Variants in KANK4 observed in about 807,000 individuals in gnomAD.
The protein encoded by KANK4 is KN motif and ankyrin repeat domains 4, also known as KN motif and ankyrin repeat domain-containing protein 4.
Under a neutral mutation model 80.8 loss-of-function variants are expected in KANK4, and 50 were observed. That is an observed-to-expected ratio of 0.62 (90% CI 0.49 to 0.78). The LOEUF is 0.78. Ranked by LOEUF, KANK4 falls within the 30% of genes least tolerant of loss-of-function variation. KANK4 has a pLI of 0.00. For missense variants in KANK4, 1,196 were observed against 1,240.1 expected (o/e 0.96, Z 0.53); for synonymous variants, 465 against 506.9 (o/e 0.92, Z 1.11).
chr1:62,240,843 T>C (rs1193357836), intron 9 of KANK4, among the ~76,000 whole-genome samples: 2 of 152,056 alleles, frequency 1.3e-5, no homozygotes, highest in African/African-American at 4.8e-5. Context: ...AGGGCTCTCA[T>C]CAGGCACCAC....
In KANK4 at chr1:62,274,209, G is replaced by A; in HGVS notation, c.895C>T (p.Leu299Phe). Residue 299 changes from leucine to phenylalanine, a missense_variant, in exon 3 of 10, where the codon CTC becomes TTC. This residue lies in a region of KANK4 where 1,154 missense variants were observed against 1,179.6 expected (regional missense o/e 0.98). Coordinates refer to ENST00000371153, the MANE Select transcript of KANK4 (RefSeq NM_181712.5). Reference protein sequence around the residue: ...LPSPIPENELLLEEIELNISE... With the variant: ...LPSPIPENELFLEEIELNISE... The stretch of plus-strand genomic sequence containing the variant: ...ATGTTGAGCTCGATTTCTTCCAGGA[G>A]GAGCTCATTCTCAGGGATGGGTGAT... The A allele has an allele frequency of 6.2e-7, 1 of 1,614,154 alleles. No homozygotes were observed. The highest frequency in any genetic ancestry group is 1.3e-5 in the African/African-American group (1 of 75,030).
intron 3 of KANK4, chr1:62,272,651 G>A (rs1483926083): frequency 6.6e-6 from 1 of 152,220 alleles, no homozygotes; most frequent in Non-Finnish European, 1.5e-5. Context: ...TGTGCCCTGT[G>A]CTATCCATAC....
At chr1:62,290,532 G>A (rs78672243) in intron 1 of KANK4, among the ~76,000 whole-genome samples, 6,554 of 152,228 alleles carry the variant, frequency 0.043, 216 homozygotes, top group East Asian at 0.14. Flanking sequence ...TGCTTGTGCT[G>A]GTGCCCAGGA....
At chr1:62,276,574 G>A (rs1335162343) in intron 2 of KANK4, among the ~76,000 whole-genome samples, 2 of 152,050 alleles carry the variant, frequency 1.3e-5, no homozygotes, top group Non-Finnish European at 2.9e-5. Context: ...TCAGGAGTTC[G>A]AGACCAGCCT....
At chr1:62,292,964 C>G (rs1257098408) in intron 1 of KANK4, among the ~76,000 whole-genome samples, 1 of 152,154 alleles carries the variant, frequency 6.6e-6, no homozygotes, top group African/African-American at 2.4e-5. Context: ...AGCTCCCTGA[C>G]AGCAAGAATC....
Position 62,236,681 on chromosome 1 carries a change from G to A in KANK4, c.*1596C>T, listed in dbSNP as rs1035821482. On this transcript the variant is annotated 3_prime_UTR_variant, in exon 10 of 10. Transcript: ENST00000371153. ...ACGATCTCGGCTCACTGAAACCTCC[G>A]CCTCCCGGGTTCAAGTGAGTCTCCT... 2.1e-5 allele frequency among the ~76,000 whole-genome samples: 3 copies of A among 142,676 alleles called. No homozygotes were observed. The highest frequency in any genetic ancestry group is 7.6e-5 in the Admixed American group (1 of 13,176). The allele number at this position is 142,676 out of a possible 152,430, so 93.6% of individuals were successfully genotyped here. A position where few individuals can be genotyped will look rare whatever the true frequency, so the allele number is the denominator to read the frequency against.
chr1:62,303,406 G>A (rs1644427731), intron 1 of KANK4, among the ~76,000 whole-genome samples: 2 of 151,988 alleles, frequency 1.3e-5, no homozygotes, highest in African/African-American at 4.8e-5. Flanking sequence ...ATACCAACAA[G>A]TGCAAAGGTG....
At chr1:62,279,210 A>G (rs924010945) in intron 2 of KANK4, among the ~76,000 whole-genome samples, 8 of 144,932 alleles carry the variant, frequency 5.5e-5, no homozygotes, top group South Asian at 2.1e-4. Context: ...ACACACACAC[A>G]CACACACACA....
rs576727383 is a variant in KANK4, at chr1:62,244,704, G to A, written c.2883+2768C>T. On this transcript the variant is annotated intron_variant, in intron 9 of 9. Coordinates refer to ENST00000371153, the MANE Select transcript of KANK4 (RefSeq NM_181712.5). ...TTTCTTTTGTAAATTGCCCAGTCTC[G>A]GGTATGTCTTTATCAGCAGTGTGAA... 3.7e-4 allele frequency among the ~76,000 whole-genome samples: 56 copies of A among 152,130 alleles called. No individual in the cohort carries two copies. The South Asian group carries it at 0.011, about 30-fold the overall frequency.
At chr1:62,281,771 A>T (rs1307415560) in intron 1 of KANK4, 137 bp from the exon 2 acceptor site, 5 of 629,034 alleles carry the variant, frequency 7.9e-6, no homozygotes, top group Non-Finnish European at 2.8e-6. Flanking sequence ...CCCTCCAAGG[A>T]GGAAGATTAA....
At chr1:62,258,598 T>C (rs1355966379) in intron 7 of KANK4, among the ~76,000 whole-genome samples, 1 of 152,200 alleles carries the variant, frequency 6.6e-6, no homozygotes, top group Non-Finnish European at 1.5e-5. Flanking sequence ...GAATTTAACC[T>C]AGCTCCCGAG....
chr1:62,296,913 G>C (rs1309779278), intron 1 of KANK4, among the ~76,000 whole-genome samples: 1 of 152,046 alleles, frequency 6.6e-6, no homozygotes, highest in Admixed American at 6.6e-5. Flanking sequence ...TAGAAAACTA[G>C]GGCTTAATAA....
chr1:62,266,635 C>T (rs1672027928), intron 6 of KANK4, 97 bp downstream of exon 6: 2 of 776,692 alleles, frequency 2.6e-6, no homozygotes, highest in Non-Finnish European at 4.5e-6. Context: ...ACACCACTGC[C>T]TGCCTCACAC....
At chr1:62,266,128 G>A (rs1363532527) in intron 6 of KANK4, among the ~76,000 whole-genome samples, 1 of 152,200 alleles carries the variant, frequency 6.6e-6, no homozygotes, top group African/African-American at 2.4e-5. Context: ...TTTGATGACA[G>A]ACACTCATGG....
intron 5 of KANK4, 120 bp from the exon 6 acceptor site, chr1:62,266,939 C>T (rs1304323983): frequency 3.2e-6 from 2 of 630,156 alleles, no homozygotes; most frequent in East Asian, 5.7e-5. Context: ...TGGGCAACTG[C>T]CCTAGGAGAG....
chr1:62,305,713 G>A (rs562651696), intron 1 of KANK4, among the ~76,000 whole-genome samples: 1 of 152,162 alleles, frequency 6.6e-6, no homozygotes, highest in Admixed American at 6.5e-5. Context: ...GAACCCTCCT[G>A]CAACACGGTG....
chr1:62,313,028 A>G (rs561816937), intron 1 of KANK4, among the ~76,000 whole-genome samples: 24 of 152,246 alleles, frequency 1.6e-4, no homozygotes, highest in African/African-American at 5.5e-4. Context: ...TCAGTTACCT[A>G]TGGTTAATGA....
chr1:62,275,270 T>C (rs2149144931), intron 2 of KANK4, among the ~76,000 whole-genome samples, 183 bp from the exon 3 acceptor site: 1 of 152,340 alleles, frequency 6.6e-6, no homozygotes, highest in East Asian at 1.9e-4. Context: ...AATCATCTTA[T>C]TAAATCAATG....
At position 62,237,424 on chromosome 1, in the gene KANK4, C is replaced by T. The variant is rs1019589566; in HGVS notation, c.*853G>A. 2.6e-5 allele frequency: 4 copies of T among 152,090 alleles called. No homozygotes were observed. The highest frequency in any genetic ancestry group is 1.3e-4 in the Admixed American group (2 of 15,264). 9.4% of individuals were successfully genotyped at this position (152,090 alleles called of 1,614,324 possible). Reference sequence around the variant, plus strand: ...GCAGGTGGCTTCTTGATGACAATAACCCATCCTCAGGAGGAAGCTTTTTTT... The same window carrying T: ...GCAGGTGGCTTCTTGATGACAATAATCCATCCTCAGGAGGAAGCTTTTTTT... On this transcript the variant is annotated 3_prime_UTR_variant, in exon 10 of 10. Coordinates refer to ENST00000371153, the MANE Select transcript of KANK4 (RefSeq NM_181712.5).
Sources: allele counts gnomAD v4.1 joint callset (sites outside exome capture counted in the v4.1 genomes callset), GRCh38; gene constraint gnomAD v4.1.1; regional missense constraint gnomAD v4.1.1; transcripts MANE v1.5; gene names NCBI Gene and HGNC (gene_info 2026-07-23, HGNC 2026-07-21).